The following ITCH variants were observed in gnomAD, a reference collection of about 807,000 sequenced individuals.
ITCH encodes itchy E3 ubiquitin protein ligase.
ITCH carries 28 observed loss-of-function variants against 126.8 expected under a neutral mutation model. The observed-to-expected ratio is 0.22, with a 90% CI of 0.16 to 0.30. The LOEUF (loss-of-function observed/expected upper bound fraction) is 0.30, where lower values mean the gene tolerates loss of function less well. Ranked by LOEUF, ITCH falls within the 10% of genes least tolerant of loss-of-function variation. ITCH has a pLI of 1.00. For synonymous variants in ITCH, 342 were observed against 340.0 expected, an observed-to-expected ratio of 1.01 and a Z score of -0.06; for missense variants, 631 against 1,032.4, an observed-to-expected ratio of 0.61 and a Z score of 5.33.
chr20:34,445,212 C>T, intron 10 of ITCH, 75 bp from the exon 11 acceptor site: 1 of 1,524,804 alleles, frequency 6.6e-7, no homozygotes. Flanking sequence ...AGTAGTTTCT[C>T]AAGGTAAAAT....
chr20:34,421,202 ACTC>A (rs1190032445), intron 6 of ITCH, among the ~76,000 whole-genome samples: 1 of 151,718 alleles, frequency 6.6e-6, no homozygotes, highest in East Asian at 1.9e-4. Context: ...GCACCTTTGA[ACTC>A]CTGGCCTCAA....
chr20:34,374,048 C>T (rs902651128), intron 2 of ITCH, among the ~76,000 whole-genome samples: 6 of 152,030 alleles, frequency 3.9e-5, no homozygotes, highest in Admixed American at 1.3e-4. Context: ...CCACGCCTGG[C>T]TAATTTTTTG....
chr20:34,408,895 C>A, intron 4 of ITCH, 103 bp downstream of exon 4: 1 of 1,145,844 alleles, frequency 8.7e-7, no homozygotes, highest in Non-Finnish European at 1.3e-6. Flanking sequence ...TGTTGTTGTT[C>A]CTCCTTTCTC....
chr20:34,365,220 T>C (rs903675195), intron 1 of ITCH, among the ~76,000 whole-genome samples: 34 of 151,824 alleles, frequency 2.2e-4, no homozygotes, highest in African/African-American at 7.7e-4. Context: ...AAAAAAAAAT[T>C]TAGAAATGAA....
In ITCH at chr20:34,376,373, A is replaced by ATG. The variant is rs11474007; in HGVS notation, c.-22+6905_-22+6906dup. Among the ~76,000 whole-genome samples, 684 of 152,028 alleles carry ATG rather than the reference A, an allele frequency of 4.5e-3. 15 individuals carry two copies. Among genetic ancestry groups the ATG allele is most frequent in the African/African-American group, 0.015 (624 of 41,480 alleles). Reference sequence around the variant, plus strand: ...AGGAGGTTGAGACTGCAGTGAGCTCATGTCGCTGCACTGATATCATGTCAC... The same window carrying ATG: ...AGGAGGTTGAGACTGCAGTGAGCTCATGTGTCGCTGCACTGATATCATGTCAC... On this transcript the variant is annotated intron_variant, in intron 2 of 24. Coordinates refer to ENST00000374864, the MANE Select transcript of ITCH (RefSeq NM_031483.7).
intron 9 of ITCH, chr20:34,441,890 C>A (rs1983806465): frequency 3.0e-6 from 1 of 336,644 alleles, no homozygotes; most frequent in African/African-American, 2.1e-5. Context: ...CTGGCCATTT[C>A]TTTCCACTCA....
chr20:34,511,371 A>T lies in ITCH; in HGVS notation c.*3577A>T, dbSNP rs915222403. On this transcript the variant is annotated 3_prime_UTR_variant, in exon 25 of 25. Coordinates refer to ENST00000374864, the MANE Select transcript of ITCH (RefSeq NM_031483.7). ...TCCTACAAGATGTAAGACTGTTTAT[A>T]ATTAAACTTTTTTGGTCCTTCATTT... is the stretch of plus-strand genomic sequence containing the variant. 6.6e-6 allele frequency: 1 copy of T among 152,126 alleles called. No individual in the cohort carries two copies. The highest frequency in any genetic ancestry group is 2.1e-4 in the South Asian group (1 of 4,822). The allele number at this position is 152,126 out of a possible 1,614,324, so 9.4% of individuals were successfully genotyped here. A position where few individuals can be genotyped will look rare whatever the true frequency, so the allele number is the denominator to read the frequency against.
chr20:34,455,368 G>A (rs1402732713), intron 12 of ITCH, among the ~76,000 whole-genome samples: 1 of 152,028 alleles, frequency 6.6e-6, no homozygotes. Context: ...ATCTTTTGAA[G>A]AATTCATTGG....
chr20:34,446,238 G>A (rs375670492), intron 11 of ITCH, among the ~76,000 whole-genome samples: 9 of 152,090 alleles, frequency 5.9e-5, no homozygotes, highest in African/African-American at 9.7e-5. Context: ...GAACCTAAAC[G>A]AAGAAAATCA....
chr20:34,487,599 A>G (rs1989218274), intron 20 of ITCH, among the ~76,000 whole-genome samples: 1 of 152,070 alleles, frequency 6.6e-6, no homozygotes, highest in African/African-American at 2.4e-5. Flanking sequence ...GATAATATGC[A>G]TCTTTAACAT....
At chr20:34,406,314 AC>A (rs2039056375) in intron 3 of ITCH, among the ~76,000 whole-genome samples, 1 of 151,486 alleles carries the variant, frequency 6.6e-6, no homozygotes, top group African/African-American at 2.4e-5. Flanking sequence ...ACAAGTGTGA[AC>A]CACCATGCTT....
intron 7 of ITCH, among the ~76,000 whole-genome samples, chr20:34,432,445 C>T (rs1372420422): frequency 6.6e-6 from 1 of 151,888 alleles, no homozygotes; most frequent in African/African-American, 2.4e-5. Flanking sequence ...GATAAATGTA[C>T]AAAAAACATA....
At chr20:34,493,759 G>A (rs1989673951) in intron 23 of ITCH, among the ~76,000 whole-genome samples, 1 of 152,214 alleles carries the variant, frequency 6.6e-6, no homozygotes, top group Non-Finnish European at 1.5e-5. Flanking sequence ...AAACCCCAGG[G>A]AAGCAGCTGT....
intron 23 of ITCH, among the ~76,000 whole-genome samples, chr20:34,493,862 T>C (rs532323019): frequency 6.6e-6 from 1 of 152,312 alleles, no homozygotes; most frequent in African/African-American, 2.4e-5. Context: ...ATGTGTGGTC[T>C]TAGGCAGAAA....
intron 13 of ITCH, among the ~76,000 whole-genome samples, chr20:34,460,982 C>T (rs1986451635): frequency 6.6e-6 from 1 of 151,990 alleles, no homozygotes; most frequent in African/African-American, 2.4e-5. Context: ...GATCATGCCA[C>T]TGCACTCCAC....
intron 16 of ITCH, chr20:34,475,935 T>C (rs1383204864): frequency 1.2e-5 from 17 of 1,367,122 alleles, no homozygotes; most frequent in Non-Finnish European, 1.7e-5. Flanking sequence ...CAGGAGGTCT[T>C]GCCCACATCA....
rs1399499929 is a variant in ITCH at position 34,508,281 on chromosome 20, A to G, written c.*487A>G. The G allele has an allele frequency of 5.5e-6, 1 of 181,380 alleles. No individual in the cohort carries two copies. Among genetic ancestry groups the G allele is most frequent in the East Asian group, 1.4e-4 (1 of 7,340 alleles). 11.2% of individuals were successfully genotyped at this position (181,380 alleles called of 1,614,324 possible). ...AATTCGGGCTTGTGTTCTCCCTCTC[A>G]TTTTAGTCTGACTTGACTATTGTTT... is the stretch of plus-strand genomic sequence containing the variant. On this transcript the variant is annotated 3_prime_UTR_variant, in exon 25 of 25. Coordinates refer to ENST00000374864, the MANE Select transcript of ITCH (RefSeq NM_031483.7).
At chr20:34,489,799 A>G (rs370254033) in intron 21 of ITCH, 23 bp from the exon 22 acceptor site, 14 of 1,519,708 alleles carry the variant, frequency 9.2e-6, no homozygotes, top group African/African-American at 2.7e-5. Context: ...TTAGGAAACA[A>G]TTTGTCTTTT....
chr20:34,432,690 C>T (rs1044373205), intron 7 of ITCH, among the ~76,000 whole-genome samples: 2 of 152,172 alleles, frequency 1.3e-5, no homozygotes, highest in Non-Finnish European at 2.9e-5. Flanking sequence ...CACAGTGGCT[C>T]ATGCCTGTAA....
Sources: allele counts gnomAD v4.1 joint callset (sites outside exome capture counted in the v4.1 genomes callset), GRCh38; gene constraint gnomAD v4.1.1; transcripts MANE v1.5; gene names NCBI Gene and HGNC (gene_info 2026-07-23, HGNC 2026-07-21).